ERCC8: variants seen among roughly 807,000 people sequenced by gnomAD.
The protein encoded by ERCC8 is ERCC excision repair 8, CSA ubiquitin ligase complex subunit.
ERCC8 carries 52 observed loss-of-function variants against 54.9 expected under a neutral mutation model. The ratio of observed to expected loss-of-function variants is 0.95; its 90% CI spans 0.76 to 1.19. The LOEUF (loss-of-function observed/expected upper bound fraction) is 1.19, where lower values mean the gene tolerates loss of function less well. Among genes scored for constraint, ERCC8 ranks in the 50% most tolerant of loss-of-function variants. ERCC8 has a pLI of 0.00. For missense variants in ERCC8, 514 were observed against 466.1 expected, an observed-to-expected ratio of 1.10 and a Z score of -0.95; for synonymous variants, 146 against 157.2, an observed-to-expected ratio of 0.93 and a Z score of 0.53.
At chr5:60,907,668 T>C (rs1364290664) in intron 4 of ERCC8, 1 of 152,180 alleles carries the variant, frequency 6.6e-6, no homozygotes, top group Admixed American at 6.5e-5. Context: ...ATCTTCTGGG[T>C]ATCTATAACC....
intron 9 of ERCC8, among the ~76,000 whole-genome samples, chr5:60,896,711 T>C (rs995974827): frequency 6.6e-6 from 1 of 152,114 alleles, no homozygotes; most frequent in Non-Finnish European, 1.5e-5. Flanking sequence ...AAGTCCACTG[T>C]AAAATGTATT....
chr5:60,931,923 T>C (rs1749920228), intron 1 of ERCC8, among the ~76,000 whole-genome samples: 1 of 152,174 alleles, frequency 6.6e-6, no homozygotes, highest in South Asian at 2.1e-4. Flanking sequence ...CCCCTGTATG[T>C]AACCAATCTC....
In ERCC8 at chr5:60,920,019, T is replaced by C. The variant is rs534803913; in HGVS notation, c.276-1631A>G. Among the ~76,000 whole-genome samples the C allele has an allele frequency of 1.8e-3, 276 of 152,138 alleles. 3 individuals are homozygous for C. The highest frequency in any genetic ancestry group is 0.01 in the Middle Eastern group (3 of 294). ...TTACTGAAAATAAGAGCTCTACCTC[T>C]TCTTACAGAAAGCAAGGGACTCTAG... On this transcript the variant is annotated intron_variant, in intron 3 of 11. Coordinates refer to ENST00000676185, the MANE Select transcript of ERCC8 (RefSeq NM_000082.4).
rs1178810296 is a variant in ERCC8, at chr5:60,866,827, T to A, written c.*7788A>T. On this transcript the variant is annotated 3_prime_UTR_variant, in exon 12 of 12. Coordinates refer to ENST00000676185, the MANE Select transcript of ERCC8 (RefSeq NM_000082.4). ...GAGCAGGAATGAACCTTAATAATTT[T>A]CTATTCCAGTTTTCTGTCCCCTTCC... The A allele has an allele frequency of 2.0e-5, 3 of 152,170 alleles. No homozygotes were observed. In the East Asian group the frequency reaches 5.8e-4, roughly 29 times the overall value. 9.4% of individuals were successfully genotyped at this position (152,170 alleles called of 1,614,324 possible).
At chr5:60,893,088 A>T (rs1748614219) in intron 9 of ERCC8, 2 of 775,188 alleles carry the variant, frequency 2.6e-6, no homozygotes, top group Admixed American at 3.6e-5. Context: ...CTTTTTCAAG[A>T]CCAGGACCAG....
chr5:60,897,222 T>C (rs138069005), intron 9 of ERCC8, among the ~76,000 whole-genome samples: 34 of 152,340 alleles, frequency 2.2e-4, no homozygotes, highest in Middle Eastern at 3.4e-3. Context: ...AAGCCTACCC[T>C]GACTTCCCTA....
chr5:60,935,310 G>A (rs1174257663), intron 1 of ERCC8, among the ~76,000 whole-genome samples: 1 of 152,068 alleles, frequency 6.6e-6, no homozygotes, highest in African/African-American at 2.4e-5. Context: ...TATAAAAGGG[G>A]TTGAGTTTTT....
At chr5:60,879,825 C>T (rs1264713101) in intron 11 of ERCC8, among the ~76,000 whole-genome samples, 2 of 152,164 alleles carry the variant, frequency 1.3e-5, no homozygotes, top group African/African-American at 4.8e-5. Context: ...ATCCAATTTG[C>T]CAGTCTGTGT....
In ERCC8 at chr5:60,872,138, C is replaced by A. The variant is rs1579976268; in HGVS notation, c.*2477G>T. 1.3e-5 allele frequency among the ~76,000 whole-genome samples: 2 copies of A among 152,254 alleles called. No homozygotes were observed. Among genetic ancestry groups the A allele is most frequent in the South Asian group, 4.1e-4 (2 of 4,826 alleles). ...CTTTTTCAAAGGTCAAATGCATCCT[C>A]ACCAAGGGGACAAGATTGAAAGTAG... On this transcript the variant is annotated 3_prime_UTR_variant, in exon 12 of 12. Transcript: ENST00000676185.
chr5:60,911,438 G>GT (rs1365137655), intron 4 of ERCC8, among the ~76,000 whole-genome samples: 78 of 146,754 alleles, frequency 5.3e-4, no homozygotes, highest in African/African-American at 8.4e-4. Flanking sequence ...TTTTTGATGG[G>GT]TTTTTTTTTT....
At chr5:60,933,733 C>G (rs1241600686) in intron 1 of ERCC8, among the ~76,000 whole-genome samples, 1 of 152,148 alleles carries the variant, frequency 6.6e-6, no homozygotes, top group Non-Finnish European at 1.5e-5. Flanking sequence ...CACTTCCACC[C>G]TTTCCCCCGA....
intron 2 of ERCC8, among the ~76,000 whole-genome samples, chr5:60,928,509 T>A (rs1314216560): frequency 6.6e-6 from 1 of 152,218 alleles, no homozygotes; most frequent in African/African-American, 2.4e-5. Flanking sequence ...TCTTTCACTT[T>A]TTATATTTAT....
chr5:60,869,194 T>A lies in ERCC8; in HGVS notation c.*5421A>T, dbSNP rs917691840. Among the ~76,000 whole-genome samples, 4 of 152,212 alleles carry A rather than the reference T, an allele frequency of 2.6e-5. No individual in the cohort carries two copies. The highest frequency in any genetic ancestry group is 7.2e-5 in the African/African-American group (3 of 41,464). On this transcript the variant is annotated 3_prime_UTR_variant, in exon 12 of 12. Transcript: ENST00000676185. ...AGTAGTTATATCATTTTTATAGAAA[T>A]AACAAAGTATTAGTATATTACTCAA...
chr5:60,890,742 C>T lies in ERCC8; in HGVS notation c.1041+147G>A. The stretch of plus-strand genomic sequence containing the variant: ...ATTGTATGCTGTCTAACAATCTAGG[C>T]TGTGCTATTCTCTATTAAATAAATC... On this transcript the variant is annotated intron_variant, in intron 10 of 11. Coordinates refer to ENST00000676185, the MANE Select transcript of ERCC8 (RefSeq NM_000082.4). 3 of 662,474 alleles carry T rather than the reference C, an allele frequency of 4.5e-6. No homozygotes were observed. In the South Asian group the frequency reaches 5.2e-5, roughly 11 times the overall value. 41.0% of individuals were successfully genotyped at this position (662,474 alleles called of 1,614,324 possible). A position where few individuals can be genotyped will look rare whatever the true frequency, so the allele number is the denominator to read the frequency against.
intron 2 of ERCC8, among the ~76,000 whole-genome samples, chr5:60,926,391 T>C (rs1177089981): frequency 1.3e-5 from 2 of 152,222 alleles, no homozygotes; most frequent in East Asian, 1.9e-4. Context: ...AAGATCCTTA[T>C]CTTGTGACCC....
chr5:60,884,535 T>TTTG (rs1257077582), intron 11 of ERCC8, among the ~76,000 whole-genome samples: 10 of 149,900 alleles, frequency 6.7e-5, no homozygotes, highest in South Asian at 2.1e-4. Flanking sequence ...TTTTTTTTTT[T>TTTG]TTGTTTTCTA....
intron 7 of ERCC8, 39 bp downstream of exon 7, chr5:60,902,403 T>A: frequency 6.9e-7 from 1 of 1,447,796 alleles, no homozygotes; most frequent in East Asian, 2.3e-5. Flanking sequence ...ATGCTTATTA[T>A]TAATTACTAA....
chr5:60,893,702 G>T (rs1054628197), intron 9 of ERCC8: 8 of 439,664 alleles, frequency 1.8e-5, no homozygotes, highest in Non-Finnish European at 3.3e-5. Flanking sequence ...TCTGGCTTCC[G>T]GATGCCAGCC....
chr5:60,918,195 A>C, intron 4 of ERCC8, 70 bp downstream of exon 4: 1 of 1,213,660 alleles, frequency 8.2e-7, no homozygotes, highest in Non-Finnish European at 1.2e-6. Context: ...AAATAATCAT[A>C]CTAAAATGGT....
Sources: gnomAD v4.1 joint callset for allele counts (sites outside exome capture counted in the v4.1 genomes callset) on GRCh38, gnomAD v4.1.1 for gene constraint, MANE v1.5 for transcripts, NCBI Gene and HGNC (gene_info 2026-07-23, HGNC 2026-07-21) for gene names.